Variants in AFF3 observed in about 807,000 individuals in gnomAD.
AFF3 encodes ALF transcription elongation factor 3, also known as AF4/FMR2 family member 3.
AFF3 carries 32 observed loss-of-function variants against 129.7 expected under a neutral mutation model. That is an observed-to-expected ratio of 0.25 (90% CI 0.19 to 0.33). The LOEUF (loss-of-function observed/expected upper bound fraction) is 0.33. Ranked by LOEUF, AFF3 falls within the 10% of genes least tolerant of loss-of-function variation. AFF3 has a pLI of 1.00. For synonymous variants in AFF3, 644 were observed against 635.4 expected (o/e 1.01, Z -0.20); for missense variants, 1,373 against 1,592.0 (o/e 0.86, Z 2.34).
At chr2:99,983,990 A>G (rs1202259149) in intron 7 of AFF3, among the ~76,000 whole-genome samples, 1 of 152,196 alleles carries the variant, frequency 6.6e-6, no homozygotes, top group Non-Finnish European at 1.5e-5. Flanking sequence ...ATAAAACAAA[A>G]AATAAAATAA....
intron 8 of AFF3, among the ~76,000 whole-genome samples, chr2:99,796,625 G>T (rs1387532205): frequency 6.6e-6 from 1 of 152,174 alleles, no homozygotes; most frequent in African/African-American, 2.4e-5. Context: ...GTTGACTTGA[G>T]TTTGCTGCTC....
chr2:100,075,095 TC>T (rs1688485815), intron 4 of AFF3, among the ~76,000 whole-genome samples: 1 of 152,170 alleles, frequency 6.6e-6, no homozygotes, highest in Non-Finnish European at 1.5e-5. Flanking sequence ...ATTACAGCTT[TC>T]ACAAGAAGGA....
intron 7 of AFF3, among the ~76,000 whole-genome samples, chr2:99,884,025 A>G (rs1470712832): frequency 6.6e-6 from 1 of 152,224 alleles, no homozygotes; most frequent in Non-Finnish European, 1.5e-5. Context: ...GTGTGCAGTC[A>G]CGGCAAATAC....
chr2:99,571,416 T>C (rs1302419946), intron 18 of AFF3, among the ~76,000 whole-genome samples: 1 of 152,238 alleles, frequency 6.6e-6, no homozygotes, highest in Non-Finnish European at 1.5e-5. Context: ...GTTACCCTTA[T>C]GGATGGCAGT....
At chr2:100,047,591 A>AT (rs35786817) in intron 4 of AFF3, among the ~76,000 whole-genome samples, 6 of 152,174 alleles carry the variant, frequency 3.9e-5, no homozygotes, top group Non-Finnish European at 8.8e-5. Flanking sequence ...ATTCTCAACA[A>AT]TTTTTTTAAA....
intron 8 of AFF3, among the ~76,000 whole-genome samples, chr2:99,780,966 GA>G (rs1179279537): frequency 2.0e-5 from 3 of 152,142 alleles, no homozygotes; most frequent in Non-Finnish European, 2.9e-5. Context: ...ACACAAAACA[GA>G]TCATGTCAGT....
chr2:99,939,141 T>A (rs990266708), intron 7 of AFF3, among the ~76,000 whole-genome samples: 1 of 152,208 alleles, frequency 6.6e-6, no homozygotes, highest in South Asian at 2.1e-4. Flanking sequence ...ATTTTATGGC[T>A]AAGAAAGAAA....
At chr2:99,759,610 C>G (rs1317104434) in intron 8 of AFF3, among the ~76,000 whole-genome samples, 1 of 152,104 alleles carries the variant, frequency 6.6e-6, no homozygotes, top group African/African-American at 2.4e-5. Flanking sequence ...ATTCTACTAA[C>G]TACATGAAGG....
chr2:100,044,401 C>A (rs1458715563), intron 4 of AFF3, among the ~76,000 whole-genome samples: 2 of 152,032 alleles, frequency 1.3e-5, no homozygotes, highest in Non-Finnish European at 2.9e-5. Flanking sequence ...AAACACTGAA[C>A]GTATTCAGAA....
intron 8 of AFF3, among the ~76,000 whole-genome samples, chr2:99,784,601 G>A (rs1449096314): frequency 1.3e-5 from 2 of 152,180 alleles, no homozygotes; most frequent in Admixed American, 6.5e-5. Flanking sequence ...AAAGCTTTGC[G>A]CAGTATTAAG....
At chr2:99,692,198 T>C (rs1675734006) in intron 11 of AFF3, among the ~76,000 whole-genome samples, 2 of 152,238 alleles carry the variant, frequency 1.3e-5, no homozygotes, top group East Asian at 3.9e-4. Flanking sequence ...CCTGCCCAAA[T>C]CCAGAGAGGA....
chr2:99,631,991 C>T (rs1313358387), intron 13 of AFF3, among the ~76,000 whole-genome samples: 1 of 149,552 alleles, frequency 6.7e-6, no homozygotes, highest in Non-Finnish European at 1.5e-5. Flanking sequence ...TCCAATTTAT[C>T]CACAACCTTG....
intron 13 of AFF3, among the ~76,000 whole-genome samples, chr2:99,618,155 A>G (rs1394010491): frequency 6.6e-6 from 1 of 151,368 alleles, no homozygotes; most frequent in African/African-American, 2.4e-5. Flanking sequence ...TTGACATTTA[A>G]AGGGGTAACA....
At chr2:99,690,587 T>C (rs879739963) in intron 11 of AFF3, among the ~76,000 whole-genome samples, 6 of 152,034 alleles carry the variant, frequency 3.9e-5, no homozygotes, top group Non-Finnish European at 7.4e-5. Context: ...AAGGGCTCAA[T>C]TGGAAAGTGC....
chr2:100,044,320 CTCTT>C (rs1685667260), intron 4 of AFF3, among the ~76,000 whole-genome samples: 1 of 152,320 alleles, frequency 6.6e-6, no homozygotes, highest in Admixed American at 6.5e-5. Flanking sequence ...AGGGAAGTGG[CTCTT>C]TCTGTTTTCA....
chr2:99,578,435 T>C lies in AFF3; in HGVS notation c.2810A>G (p.Asn937Ser), dbSNP rs748494914. The change falls in exon 18 of 25, where the codon AAT becomes AGT. Residue 937 changes from asparagine to serine, a missense_variant. Asn to Ser is a conservative substitution (Grantham distance 46, BLOSUM62 1). Transcript: ENST00000672756. ...GGDLTKAAHNNSENIPLHKSR... is the reference protein window; with the variant it reads ...GGDLTKAAHNSSENIPLHKSR... ...CTTGTGGAGGGGAATGTTTTCAGAA[T>C]TGTTGTGAGCTGCTTTCTAAACAAC... 9 of 1,611,176 alleles carry C rather than the reference T, an allele frequency of 5.6e-6. No individual in the cohort carries two copies. Among genetic ancestry groups the C allele is most frequent in the Middle Eastern group, 1.7e-4 (1 of 6,060 alleles).
chr2:99,549,363 T>A lies in AFF3; in HGVS notation c.*2111A>T, dbSNP rs1674250978. 1 of 184,456 alleles carries A rather than the reference T, an allele frequency of 5.4e-6. No homozygotes were observed. The highest frequency in any genetic ancestry group is 6.2e-5 in the Admixed American group (1 of 16,030). The allele number at this position is 184,456 out of a possible 1,614,324, so 11.4% of individuals were successfully genotyped here. A position where few individuals can be genotyped will look rare whatever the true frequency, so the allele number is the denominator to read the frequency against. On this transcript the variant is annotated 3_prime_UTR_variant, in exon 25 of 25. Transcript: ENST00000672756. ...ACTTTGGGAGGTGGAGGCGGGTAGA[T>A]CACCTGAGGTCAGGAGTTTGAGACG...
At chr2:99,616,638 C>A (rs1249633147) in intron 13 of AFF3, among the ~76,000 whole-genome samples, 1 of 151,998 alleles carries the variant, frequency 6.6e-6, no homozygotes, top group Non-Finnish European at 1.5e-5. Flanking sequence ...CACCTGTAGT[C>A]CCAGCTACTC....
At chr2:100,111,890 A>G (rs1227327088) in intron 2 of AFF3, among the ~76,000 whole-genome samples, 1 of 152,232 alleles carries the variant, frequency 6.6e-6, no homozygotes, top group Non-Finnish European at 1.5e-5. Context: ...TGCTATGGGC[A>G]GTCTCCACAT....
Sources: allele counts gnomAD v4.1 joint callset (sites outside exome capture counted in the v4.1 genomes callset), GRCh38; gene constraint gnomAD v4.1.1; transcripts MANE v1.5; gene names NCBI Gene and HGNC (gene_info 2026-07-23, HGNC 2026-07-21).